Variants in CERK observed in about 807,000 individuals in gnomAD.
The protein encoded by CERK is ceramide kinase.
CERK carries 39 observed loss-of-function variants against 63.4 expected under a neutral mutation model. The observed-to-expected ratio is 0.61, with a 90% CI of 0.48 to 0.80. The LOEUF (loss-of-function observed/expected upper bound fraction) is 0.80, where lower values mean the gene tolerates loss of function less well. CERK is among the 30% of genes least tolerant of loss of function. The pLI is 0.00. For missense variants in CERK, 670 were observed against 714.1 expected, an observed-to-expected ratio of 0.94 and a Z score of 0.70; for synonymous variants, 302 against 280.0, an observed-to-expected ratio of 1.08 and a Z score of -0.78.
intron 1 of CERK, among the ~76,000 whole-genome samples, chr22:46,733,155 C>G (rs1032859941): frequency 7.4e-6 from 1 of 135,054 alleles, no homozygotes; most frequent in African/African-American, 2.8e-5. Context: ...TTGCAGTGAG[C>G]TGAGATCACG....
At position 46,712,359 on chromosome 22, in the gene CERK, G is replaced by A. The variant is rs1225477277; in HGVS notation, c.380-66C>T. On this transcript the variant is annotated intron_variant, in intron 3 of 12. Transcript: ENST00000216264. ...AATCAAAACGAAGAGCTCTGTTACT[G>A]GACAAAATCAAACCATGAGGGTTTT... 5.4e-6 allele frequency: 8 copies of A among 1,474,986 alleles called. No individual in the cohort carries two copies. The East Asian group carries it at 1.4e-4, about 26-fold the overall frequency. 91.4% of individuals were successfully genotyped at this position (1,474,986 alleles called of 1,614,324 possible). A position where few individuals can be genotyped will look rare whatever the true frequency, so the allele number is the denominator to read the frequency against.
In CERK at chr22:46,730,963, C is replaced by T. The variant is rs374522239; in HGVS notation, c.142+7044G>A. Among the ~76,000 whole-genome samples the T allele has an allele frequency of 3.1e-4, 47 of 152,340 alleles. No individual in the cohort carries two copies. In the South Asian group the frequency reaches 9.5e-3, roughly 31 times the overall value. ...AAACTTTGAGACAATAACAACCTACCCCAGAAAAAAACGGGCCCAGCCCTC... is the reference window on the plus strand; with the variant it reads ...AAACTTTGAGACAATAACAACCTACTCCAGAAAAAAACGGGCCCAGCCCTC... On this transcript the variant is annotated intron_variant, in intron 1 of 12. Coordinates refer to ENST00000216264, the MANE Select transcript of CERK (RefSeq NM_022766.6).
intron 1 of CERK, among the ~76,000 whole-genome samples, chr22:46,726,636 T>C (rs941971584): frequency 6.6e-6 from 1 of 152,188 alleles, no homozygotes; most frequent in African/African-American, 2.4e-5. Context: ...TGTGAACATC[T>C]GATCTTCATT....
At chr22:46,696,240 C>T (rs1178714745) in intron 8 of CERK, among the ~76,000 whole-genome samples, 2 of 152,204 alleles carry the variant, frequency 1.3e-5, no homozygotes, top group Non-Finnish European at 2.9e-5. Flanking sequence ...CTAGGACAGC[C>T]CCGTCTGTGG....
intron 6 of CERK, among the ~76,000 whole-genome samples, chr22:46,702,945 C>T (rs1013466227): frequency 9.8e-5 from 15 of 152,286 alleles, no homozygotes; most frequent in Admixed American, 5.2e-4. Flanking sequence ...CCAGCACTGC[C>T]GCCACCCGAG....
intron 8 of CERK, among the ~76,000 whole-genome samples, chr22:46,696,001 G>T (rs2082754230): frequency 6.6e-6 from 1 of 152,218 alleles, no homozygotes; most frequent in Non-Finnish European, 1.5e-5. Context: ...ACTCCTCCGT[G>T]TCTGATGCTG....
Position 46,738,236 on chromosome 22 carries a change from G to T in CERK, c.-88C>A. 1.5e-6 allele frequency: 1 copy of T among 647,860 alleles called. No individual in the cohort carries two copies. Among genetic ancestry groups the T allele is most frequent in the Non-Finnish European group, 1.9e-6 (1 of 529,240 alleles). The allele number at this position is 647,860 out of a possible 1,614,324, so 40.1% of individuals were successfully genotyped here. On this transcript the variant is annotated 5_prime_UTR_variant, in exon 1 of 13. Transcript: ENST00000216264. The stretch of plus-strand genomic sequence containing the variant: ...TAGCGGCCCCTGCAGTGGCCCGGGC[G>T]GCGGGCGGCGGGCGGCGGGAGGCGG...
intron 9 of CERK, 62 bp downstream of exon 9, chr22:46,695,148 C>G: frequency 1.1e-6 from 1 of 898,108 alleles, no homozygotes; most frequent in Non-Finnish European, 1.8e-6. Context: ...CATTCACCTT[C>G]CTAACCGTCC....
chr22:46,737,576 G>T (rs909067808), intron 1 of CERK, among the ~76,000 whole-genome samples: 6 of 152,224 alleles, frequency 3.9e-5, no homozygotes, highest in Non-Finnish European at 7.3e-5. Context: ...CTCAGGTTTC[G>T]GATCCCTGCT....
chr22:46,701,269 G>T (rs972128742), intron 7 of CERK, among the ~76,000 whole-genome samples: 23 of 152,376 alleles, frequency 1.5e-4, no homozygotes, highest in Non-Finnish European at 2.6e-4. Context: ...AGCTGCCCGT[G>T]CCCACTGCCA....
chr22:46,702,484 G>A (rs538450308), intron 6 of CERK, among the ~76,000 whole-genome samples: 1 of 152,160 alleles, frequency 6.6e-6, no homozygotes, highest in Admixed American at 6.5e-5. Flanking sequence ...GTAGAGGCAG[G>A]GTTTCACCAT....
intron 6 of CERK, among the ~76,000 whole-genome samples, chr22:46,702,278 A>G (rs866612397): frequency 3.0e-5 from 4 of 133,422 alleles, no homozygotes; most frequent in Admixed American, 8.0e-5. Context: ...AACATTTACA[A>G]TTATAGGCAT....
At position 46,697,975 on chromosome 22, in the gene CERK, C is replaced by T. The variant is rs528827071; in HGVS notation, c.943+1338G>A. 9.1e-4 allele frequency among the ~76,000 whole-genome samples: 139 copies of T among 152,332 alleles called. 2 individuals are homozygous for T. Among genetic ancestry groups the T allele is most frequent in the Non-Finnish European group, 4.0e-4 (27 of 68,038 alleles). ...GGTAACAGGTCACCGCCGCCTGGCCCGAGGCCCCAGCAGCAGCCCCGGGAG... is the reference window on the plus strand; with the variant it reads ...GGTAACAGGTCACCGCCGCCTGGCCTGAGGCCCCAGCAGCAGCCCCGGGAG... On this transcript the variant is annotated intron_variant, in intron 8 of 12. Coordinates refer to ENST00000216264, the MANE Select transcript of CERK (RefSeq NM_022766.6).
At chr22:46,725,482 C>T (rs983236565) in intron 1 of CERK, among the ~76,000 whole-genome samples, 6 of 152,158 alleles carry the variant, frequency 3.9e-5, no homozygotes, top group African/African-American at 1.2e-4. Context: ...GCAGCATCCC[C>T]GCACAGCACG....
intron 6 of CERK, among the ~76,000 whole-genome samples, chr22:46,703,307 C>A (rs2082796684): frequency 6.6e-6 from 1 of 152,166 alleles, no homozygotes; most frequent in South Asian, 2.1e-4. Context: ...GGAGGCAGCT[C>A]AACACCCTCC....
At chr22:46,693,992 C>T (rs775715226) in intron 9 of CERK, among the ~76,000 whole-genome samples, 24 of 152,114 alleles carry the variant, frequency 1.6e-4, no homozygotes, top group Admixed American at 5.2e-4. Context: ...GCCGGATTCA[C>T]GCTGTCAAAC....
At chr22:46,731,234 G>C (rs1419715593) in intron 1 of CERK, among the ~76,000 whole-genome samples, 3 of 152,278 alleles carry the variant, frequency 2.0e-5, no homozygotes, top group Non-Finnish European at 4.4e-5. Flanking sequence ...AGTGGAGTAA[G>C]AGGAGGCCTG....
At position 46,689,973 on chromosome 22, in the gene CERK, G is replaced by A; in HGVS notation, c.1541+19C>T. 2 of 1,576,152 alleles carry A rather than the reference G, an allele frequency of 1.3e-6. No individual in the cohort carries two copies. Among genetic ancestry groups the A allele is most frequent in the East Asian group, 2.3e-5 (1 of 44,092 alleles). On this transcript the variant is annotated intron_variant, in intron 12 of 12. Transcript: ENST00000216264. ...GCTCAAGGGGATGGCGCTGGTGGCT[G>A]GAGGACCCCTGCACGCACCTGACCT...
At chr22:46,719,912 C>G (rs1432534602) in intron 3 of CERK, among the ~76,000 whole-genome samples, 174 bp downstream of exon 3, 1 of 152,210 alleles carries the variant, frequency 6.6e-6, no homozygotes, top group Admixed American at 6.5e-5. Context: ...AGCCCATGCC[C>G]TTTGCATTCA....
Sources: gnomAD v4.1 joint callset for allele counts (sites outside exome capture counted in the v4.1 genomes callset) on GRCh38, gnomAD v4.1.1 for gene constraint, MANE v1.5 for transcripts, NCBI Gene and HGNC (gene_info 2026-07-23, HGNC 2026-07-21) for gene names.